Variants in GPC5 observed in about 807,000 individuals in gnomAD.
The protein encoded by GPC5 is glypican 5.
A neutral mutation model predicts 53.9 loss-of-function variants in GPC5; 47 were observed. That is an observed-to-expected ratio of 0.87 (90% CI 0.69 to 1.11). The LOEUF (loss-of-function observed/expected upper bound fraction) is 1.11, where lower values mean the gene tolerates loss of function less well. Among genes scored for constraint, GPC5 ranks in the 50% most tolerant of loss-of-function variants. The pLI is 0.00. For synonymous variants in GPC5, 286 were observed against 263.3 expected, an observed-to-expected ratio of 1.09 and a Z score of -0.84; for missense variants, 748 against 713.1, an observed-to-expected ratio of 1.05 and a Z score of -0.56.
At position 91,693,387 on chromosome 13, in the gene GPC5, AACC is replaced by A; in HGVS notation, c.530_532del (p.His177del). ...TGACAGTCTTTTTCCTCTGGTCTACAACCACCTCATTAACCCTGGTGTGACTGA... is the reference window on the plus strand; with the variant it reads ...TGACAGTCTTTTTCCTCTGGTCTACAACCTCATTAACCCTGGTGTGACTGA... On this transcript the variant is annotated inframe_deletion, in exon 3 of 8. Coordinates refer to ENST00000377067, the MANE Select transcript of GPC5 (RefSeq NM_004466.6). 6.2e-7 allele frequency: 1 copy of A among 1,614,134 alleles called. No individual in the cohort carries two copies. Among genetic ancestry groups the A allele is most frequent in the Admixed American group, 1.7e-5 (1 of 60,006 alleles).
At chr13:91,907,649 A>G (rs369061993) in intron 5 of GPC5, among the ~76,000 whole-genome samples, 7 of 151,450 alleles carry the variant, frequency 4.6e-5, no homozygotes, top group African/African-American at 1.7e-4. Context: ...AGTGAGATAT[A>G]TATTAACTCT....
chr13:91,488,471 G>A (rs940896928), intron 2 of GPC5, among the ~76,000 whole-genome samples: 14 of 152,286 alleles, frequency 9.2e-5, no homozygotes, highest in African/African-American at 3.1e-4. Flanking sequence ...GCAGAAGAAC[G>A]TAAATTGTGA....
chr13:92,095,041 G>T (rs1475297263), intron 6 of GPC5, among the ~76,000 whole-genome samples: 1 of 152,072 alleles, frequency 6.6e-6, no homozygotes, highest in Non-Finnish European at 1.5e-5. Context: ...CAAAGTCAAA[G>T]CTCAAACATT....
chr13:91,666,198 G>A (rs1471319797), intron 2 of GPC5, among the ~76,000 whole-genome samples: 4 of 152,180 alleles, frequency 2.6e-5, no homozygotes, highest in Non-Finnish European at 4.4e-5. Context: ...GGTAGGGACT[G>A]TAAGAGGAAT....
At chr13:92,189,836 T>C (rs1484438988) in intron 7 of GPC5, among the ~76,000 whole-genome samples, 1 of 152,176 alleles carries the variant, frequency 6.6e-6, no homozygotes, top group African/African-American at 2.4e-5. Context: ...CTCATTAGTA[T>C]ACAGGAAAGA....
intron 2 of GPC5, among the ~76,000 whole-genome samples, chr13:91,590,373 C>T (rs2032753309): frequency 6.6e-6 from 1 of 151,990 alleles, no homozygotes; most frequent in Non-Finnish European, 1.5e-5. Flanking sequence ...ATTTTCTTCA[C>T]CTATTTGTTA....
At chr13:91,620,236 A>T (rs1402769656) in intron 2 of GPC5, among the ~76,000 whole-genome samples, 1 of 152,122 alleles carries the variant, frequency 6.6e-6, no homozygotes, top group Admixed American at 6.6e-5. Flanking sequence ...ATCACAGACA[A>T]ATAAACTAAA....
rs2040163258 is a variant in GPC5 at position 91,964,628 on chromosome 13, C to A, written c.1401+56571C>A. 2.0e-5 allele frequency among the ~76,000 whole-genome samples: 3 copies of A among 152,120 alleles called. No individual in the cohort carries two copies. The South Asian group carries it at 6.2e-4, about 32-fold the overall frequency. ...GCTAGACATAGAGCGCTGATTGGTGCATTTATAATCCTTTAGCTAGACAGA... is the reference window on the plus strand; with the variant it reads ...GCTAGACATAGAGCGCTGATTGGTGAATTTATAATCCTTTAGCTAGACAGA... On this transcript the variant is annotated intron_variant, in intron 6 of 7. Transcript: ENST00000377067.
chr13:92,067,771 A>G (rs750992219), intron 6 of GPC5, among the ~76,000 whole-genome samples: 3 of 152,034 alleles, frequency 2.0e-5, no homozygotes, highest in Admixed American at 1.3e-4. Context: ...CATCTCACAC[A>G]TGTATCTGTG....
chr13:91,909,614 A>T (rs2039590251), intron 6 of GPC5, among the ~76,000 whole-genome samples: 1 of 152,178 alleles, frequency 6.6e-6, no homozygotes, highest in Non-Finnish European at 1.5e-5. Flanking sequence ...TTAACTGGGC[A>T]TTTATTCAGA....
intron 7 of GPC5, among the ~76,000 whole-genome samples, chr13:92,376,356 A>T (rs1388753583): frequency 1.3e-5 from 2 of 152,154 alleles, no homozygotes; most frequent in Non-Finnish European, 2.9e-5. Context: ...CAATTTTTGC[A>T]TGGGCTTCTC....
intron 7 of GPC5, among the ~76,000 whole-genome samples, chr13:92,381,878 GA>G (rs2043745242): frequency 6.6e-5 from 5 of 76,148 alleles, no homozygotes; most frequent in East Asian, 3.8e-4. Flanking sequence ...TCATATATAT[GA>G]TTATATATAT....
At chr13:92,391,164 G>A (rs1594161870) in intron 7 of GPC5, among the ~76,000 whole-genome samples, 1 of 151,968 alleles carries the variant, frequency 6.6e-6, no homozygotes, top group South Asian at 2.1e-4. Context: ...AATTATTTCA[G>A]TATTTATTAA....
At chr13:91,420,807 C>T (rs1433736523) in intron 1 of GPC5, among the ~76,000 whole-genome samples, 1 of 152,156 alleles carries the variant, frequency 6.6e-6, no homozygotes, top group Non-Finnish European at 1.5e-5. Flanking sequence ...TCTCTGGTTG[C>T]CTTGTGTATA....
At chr13:91,448,726 C>T in intron 1 of GPC5, 35 bp from the exon 2 acceptor site, 1 of 1,600,370 alleles carries the variant, frequency 6.2e-7, no homozygotes, top group South Asian at 1.1e-5. Flanking sequence ...GTTAAATGAA[C>T]AGGTAATCAT....
At position 91,450,639 on chromosome 13, in the gene GPC5, T is replaced by C. The variant is rs1439191275; in HGVS notation, c.325+1717T>C. Among the ~76,000 whole-genome samples, 6 of 152,212 alleles carry C rather than the reference T, an allele frequency of 3.9e-5. No homozygotes were observed. The South Asian group carries it at 1.2e-3, about 31-fold the overall frequency. Reference sequence around the variant, plus strand: ...AGAAATATATGTTAAGGAGATCGTCTCTATTGAAGTGTCAGCTAATTTTAT... The same window carrying C: ...AGAAATATATGTTAAGGAGATCGTCCCTATTGAAGTGTCAGCTAATTTTAT... On this transcript the variant is annotated intron_variant, in intron 2 of 7. Transcript: ENST00000377067.
chr13:92,399,377 T>A (rs1875453212), intron 7 of GPC5, among the ~76,000 whole-genome samples: 1 of 152,190 alleles, frequency 6.6e-6, no homozygotes. Context: ...CTCATATAGA[T>A]TATCCTGGAT....
intron 7 of GPC5, among the ~76,000 whole-genome samples, chr13:92,312,146 C>T (rs962871977): frequency 2.6e-5 from 4 of 152,004 alleles, no homozygotes; most frequent in Non-Finnish European, 4.4e-5. Context: ...GTTACATGGG[C>T]CTTGGTGAGG....
chr13:92,757,785 C>A (rs1422769203), intron 7 of GPC5, among the ~76,000 whole-genome samples: 1 of 152,156 alleles, frequency 6.6e-6, no homozygotes, highest in Non-Finnish European at 1.5e-5. Flanking sequence ...CAATGAGATA[C>A]CATCTCACAC....
Sources: allele counts gnomAD v4.1 joint callset (sites outside exome capture counted in the v4.1 genomes callset), GRCh38; gene constraint gnomAD v4.1.1; transcripts MANE v1.5; gene names NCBI Gene and HGNC (gene_info 2026-07-23, HGNC 2026-07-21).